EXOC4: variants seen among roughly 807,000 people sequenced by gnomAD.
The protein encoded by EXOC4 is exocyst complex component 4, also known as SEC8-like 1.
A neutral mutation model predicts 107.2 loss-of-function variants in EXOC4; 71 were observed. The ratio of observed to expected loss-of-function variants is 0.66; its 90% CI spans 0.55 to 0.81. The LOEUF (loss-of-function observed/expected upper bound fraction) is 0.81. EXOC4 is among the 30% of genes least tolerant of loss of function. The probability of loss-of-function intolerance (pLI) is 0.00; values close to 1 mark genes in which losing one functional copy is unlikely to be tolerated. For synonymous variants in EXOC4, 456 were observed against 441.2 expected (o/e 1.03, Z -0.42); for missense variants, 1,108 against 1,189.6 (o/e 0.93, Z 1.01).
chr7:133,861,849 T>G (rs527287847), intron 11 of EXOC4, among the ~76,000 whole-genome samples: 2 of 152,320 alleles, frequency 1.3e-5, no homozygotes, highest in South Asian at 4.1e-4. Context: ...TCCCCAATTT[T>G]AACAAGCACC....
At position 133,275,158 on chromosome 7, in the gene EXOC4, A is replaced by G. The variant is rs1793960323; in HGVS notation, c.263A>G (p.Asn88Ser). 1.9e-6 allele frequency: 3 copies of G among 1,597,520 alleles called. No homozygotes were observed. The highest frequency in any genetic ancestry group is 1.7e-6 in the Non-Finnish European group (2 of 1,170,678). Reference protein sequence around the residue: ...SITERITNSRNKIKQVKENLL... With the variant: ...SITERITNSRSKIKQVKENLL... ...ACAGAGCGCATCACTAACTCCCGAAATAAAATAAAGCAGGTATTCCTCCTT... is the reference window on the plus strand; with the variant it reads ...ACAGAGCGCATCACTAACTCCCGAAGTAAAATAAAGCAGGTATTCCTCCTT... Residue 88 changes from asparagine (N) to serine (S), a missense_variant, in exon 2 of 18, where the codon AAT becomes AGT. Coordinates refer to ENST00000253861, the MANE Select transcript of EXOC4 (RefSeq NM_021807.4).
chr7:133,513,145 CTG>C (rs1434027069), intron 9 of EXOC4, among the ~76,000 whole-genome samples: 2 of 152,076 alleles, frequency 1.3e-5, no homozygotes, highest in African/African-American at 4.8e-5. Flanking sequence ...AAACTTTTAA[CTG>C]TATGTCTGGT....
intron 9 of EXOC4, among the ~76,000 whole-genome samples, chr7:133,529,455 A>T (rs1800139575): frequency 6.6e-6 from 1 of 152,164 alleles, no homozygotes; most frequent in Non-Finnish European, 1.5e-5. Context: ...TTGAGTTTTT[A>T]TTTTATATCA....
intron 14 of EXOC4, among the ~76,000 whole-genome samples, chr7:133,951,862 G>A (rs1318239492): frequency 6.6e-6 from 1 of 152,204 alleles, no homozygotes; most frequent in Non-Finnish European, 1.5e-5. Flanking sequence ...ATATGGCAAT[G>A]AAGAAGCTGC....
intron 5 of EXOC4, among the ~76,000 whole-genome samples, chr7:133,333,272 T>A (rs1252526922): frequency 6.6e-6 from 1 of 152,192 alleles, no homozygotes; most frequent in Non-Finnish European, 1.5e-5. Flanking sequence ...TGTCCCAAAT[T>A]TGGCCACTGG....
chr7:133,511,572 GT>G (rs1270292599), intron 9 of EXOC4, among the ~76,000 whole-genome samples: 3 of 152,060 alleles, frequency 2.0e-5, no homozygotes, highest in Non-Finnish European at 4.4e-5. Flanking sequence ...TCCTGTTTCT[GT>G]TTTTTCTCAG....
chr7:133,621,568 A>G (rs984788599), intron 9 of EXOC4, among the ~76,000 whole-genome samples: 1 of 152,226 alleles, frequency 6.6e-6, no homozygotes, highest in African/African-American at 2.4e-5. Flanking sequence ...ACTTCAAAAC[A>G]TATGAGAGAT....
chr7:134,037,290 G>C (rs773423710), intron 17 of EXOC4, among the ~76,000 whole-genome samples: 1 of 152,130 alleles, frequency 6.6e-6, no homozygotes, highest in African/African-American at 2.4e-5. Flanking sequence ...CTCCATTGAA[G>C]GGGATTTCAG....
chr7:133,972,062 T>TC (rs397702545), intron 14 of EXOC4, among the ~76,000 whole-genome samples: 1 of 56 alleles, frequency 0.018, no homozygotes, highest in Non-Finnish European at 0.038. Context: ...GCCCTGTACA[T>TC]GGTACCTTAC....
intron 7 of EXOC4, among the ~76,000 whole-genome samples, chr7:133,448,288 A>G (rs1258252718): frequency 2.0e-5 from 3 of 150,804 alleles, no homozygotes; most frequent in Non-Finnish European, 3.0e-5. Context: ...TCTAATTTTT[A>G]CTCATTCTTC....
intron 10 of EXOC4, among the ~76,000 whole-genome samples, chr7:133,803,146 G>A (rs1252049549): frequency 2.0e-5 from 3 of 152,132 alleles, no homozygotes; most frequent in Non-Finnish European, 4.4e-5. Flanking sequence ...AAAATAAACT[G>A]TGTTAGAACT....
At chr7:133,302,407 T>C (rs1039296178) in intron 3 of EXOC4, among the ~76,000 whole-genome samples, 5 of 152,224 alleles carry the variant, frequency 3.3e-5, no homozygotes, top group African/African-American at 1.2e-4. Context: ...GGTAGTCATA[T>C]CTGTTTTCCT....
intron 9 of EXOC4, among the ~76,000 whole-genome samples, chr7:133,515,097 C>G (rs558427992): frequency 3.7e-4 from 56 of 152,064 alleles, no homozygotes; most frequent in African/African-American, 1.3e-3. Flanking sequence ...GTTTATTTTG[C>G]TTACTAGCTG....
At chr7:134,076,472 C>T in the EXOC4 span, among the ~76,000 whole-genome samples, 1 of 151,934 alleles carries the variant, frequency 6.6e-6, no homozygotes, top group Non-Finnish European at 1.5e-5. Context: ...GAGCCGAGAT[C>T]ACGCCACTTC....
At chr7:133,836,646 C>T (rs568424137) in intron 11 of EXOC4, among the ~76,000 whole-genome samples, 1 of 152,272 alleles carries the variant, frequency 6.6e-6, no homozygotes, top group South Asian at 2.1e-4. Context: ...CATTTCTCTC[C>T]TAATTTATGG....
intron 5 of EXOC4, among the ~76,000 whole-genome samples, chr7:133,355,325 G>C (rs1449655101): frequency 1.3e-5 from 2 of 151,990 alleles, no homozygotes; most frequent in Non-Finnish European, 2.9e-5. Context: ...TCCATCTTCA[G>C]CTCTGTACTC....
At chr7:133,753,930 G>A (rs1795845748) in intron 10 of EXOC4, among the ~76,000 whole-genome samples, 1 of 152,104 alleles carries the variant, frequency 6.6e-6, no homozygotes, top group South Asian at 2.1e-4. Context: ...AAGAGAAGGT[G>A]ATTATAATTC....
chr7:133,902,455 A>G (rs1056890350), intron 12 of EXOC4, among the ~76,000 whole-genome samples: 1 of 152,252 alleles, frequency 6.6e-6, no homozygotes, highest in African/African-American at 2.4e-5. Context: ...GTTTGTAGAT[A>G]TAACAGTGAA....
intron 12 of EXOC4, among the ~76,000 whole-genome samples, 153 bp downstream of exon 12, chr7:133,895,888 C>G (rs147983761): frequency 3.3e-4 from 51 of 152,266 alleles, no homozygotes; most frequent in African/African-American, 1.2e-3. Context: ...CCTCCTAGAC[C>G]TTTGTGTAGT....
Sources: gnomAD v4.1 joint callset for allele counts (sites outside exome capture counted in the v4.1 genomes callset) on GRCh38, gnomAD v4.1.1 for gene constraint, MANE v1.5 for transcripts, NCBI Gene and HGNC (gene_info 2026-07-23, HGNC 2026-07-21) for gene names.